The following B3GLCT variants were observed in gnomAD, a reference collection of about 807,000 sequenced individuals.
B3GLCT encodes the protein beta-1,3-glucosyltransferase.
Under a neutral mutation model 63.4 loss-of-function variants are expected in B3GLCT, and 65 were observed. The observed-to-expected ratio is 1.03, with a 90% CI of 0.84 to 1.26. B3GLCT has a LOEUF of 1.26. Among genes scored for constraint, B3GLCT ranks in the 50% most tolerant of loss-of-function variants. The pLI, the probability that B3GLCT is intolerant of heterozygous loss-of-function variation, is 0.00. For missense variants in B3GLCT, 577 were observed against 604.8 expected (o/e 0.95, Z 0.48); for synonymous variants, 233 against 219.2 (o/e 1.06, Z -0.55).
chr13:31,218,187 C>CTT lies in B3GLCT; in HGVS notation c.120+3105_120+3106dup, dbSNP rs35142866. The stretch of plus-strand genomic sequence containing the variant: ...AGGTGTTTTATTCTTTTTGTGGCTA[C>CTT]TTTTTTTTTTTTTTTTTTTGAGATG... On this transcript the variant is annotated intron_variant, in intron 2 of 14. Transcript: ENST00000343307. Among the ~76,000 whole-genome samples the CTT allele has an allele frequency of 5.4e-4, 65 of 119,844 alleles. No individual in the cohort carries two copies. The South Asian group carries it at 9.0e-3, about 17-fold the overall frequency. The allele number at this position is 119,844 out of a possible 152,430, so 78.6% of individuals were successfully genotyped here. A position where few individuals can be genotyped will look rare whatever the true frequency, so the allele number is the denominator to read the frequency against.
At chr13:31,286,958 G>C (rs1255520623) in intron 12 of B3GLCT, 139 bp downstream of exon 12, 1 of 581,762 alleles carries the variant, frequency 1.7e-6, no homozygotes, top group African/African-American at 1.9e-5. Flanking sequence ...TCCTCTTAAG[G>C]AACAAAATAT....
chr13:31,308,825 T>G (rs560088314), intron 12 of B3GLCT, among the ~76,000 whole-genome samples: 1 of 152,200 alleles, frequency 6.6e-6, no homozygotes, highest in African/African-American at 2.4e-5. Context: ...TTTCTGTTGT[T>G]CCTGCATAAT....
chr13:31,265,379 C>G (rs181796311), intron 7 of B3GLCT, among the ~76,000 whole-genome samples: 1 of 152,234 alleles, frequency 6.6e-6, no homozygotes, highest in African/African-American at 2.4e-5. Flanking sequence ...TATAGACAAC[C>G]AAGAAGGCCA....
intron 4 of B3GLCT, among the ~76,000 whole-genome samples, chr13:31,229,541 T>C (rs1870270370): frequency 6.6e-6 from 1 of 152,142 alleles, no homozygotes; most frequent in Non-Finnish European, 1.5e-5. Context: ...ACGTCAGGCA[T>C]TGGAGACCAG....
intron 10 of B3GLCT, among the ~76,000 whole-genome samples, chr13:31,280,558 T>C (rs550861545): frequency 6.6e-6 from 1 of 152,318 alleles, no homozygotes; most frequent in African/African-American, 2.4e-5. Flanking sequence ...TATATGTTGG[T>C]TACCTTCTGG....
intron 4 of B3GLCT, among the ~76,000 whole-genome samples, chr13:31,241,236 C>T (rs569314443): frequency 3.3e-5 from 5 of 152,334 alleles, no homozygotes; most frequent in South Asian, 2.1e-4. Context: ...TTAAGGCAGA[C>T]GGAGGCCAGG....
intron 11 of B3GLCT, 37 bp from the exon 12 acceptor site, chr13:31,286,683 A>AAT: frequency 1.6e-6 from 2 of 1,286,232 alleles, no homozygotes; most frequent in Non-Finnish European, 2.2e-6. Flanking sequence ...TTTTATAAGA[A>AAT]ATAATACATT....
Position 31,209,090 on chromosome 13 carries a change from C to T in B3GLCT, c.71-5961C>T, listed in dbSNP as rs565611857. Among the ~76,000 whole-genome samples, 18 of 152,302 alleles carry T rather than the reference C, an allele frequency of 1.2e-4. No homozygotes were observed. In the East Asian group the frequency reaches 1.5e-3, roughly 13 times the overall value. On this transcript the variant is annotated intron_variant, in intron 1 of 14. Coordinates refer to ENST00000343307, the MANE Select transcript of B3GLCT (RefSeq NM_194318.4). ...AACCCAAGAGGGAGAGAATAAAATCCGATGCCCCTTAAAAAACGTACGGAG... is the reference window on the plus strand; with the variant it reads ...AACCCAAGAGGGAGAGAATAAAATCTGATGCCCCTTAAAAAACGTACGGAG...
At chr13:31,233,933 C>T (rs1870506076) in intron 4 of B3GLCT, among the ~76,000 whole-genome samples, 1 of 151,982 alleles carries the variant, frequency 6.6e-6, no homozygotes, top group Non-Finnish European at 1.5e-5. Context: ...ATACAAAGAT[C>T]AACAAGACAT....
At chr13:31,246,951 C>CTTTTTTTTTTTTTTTTTTT (rs66466340) in intron 4 of B3GLCT, 72 bp from the exon 5 acceptor site, 13 of 779,670 alleles carry the variant, frequency 1.7e-5, no homozygotes, top group East Asian at 6.1e-5. Flanking sequence ...CTTTTCTTTT[C>CTTTTTTTTTTTTTTTTTTT]TTTTTTTTTT....
At chr13:31,228,677 C>T (rs1416995405) in intron 3 of B3GLCT, among the ~76,000 whole-genome samples, 1 of 152,216 alleles carries the variant, frequency 6.6e-6, no homozygotes, top group African/African-American at 2.4e-5. Context: ...GATGACCTCG[C>T]TTTAACTTGA....
intron 14 of B3GLCT, among the ~76,000 whole-genome samples, chr13:31,327,216 A>G (rs540407291): frequency 6.6e-6 from 1 of 152,348 alleles, no homozygotes; most frequent in South Asian, 2.1e-4. Flanking sequence ...CTAATAATAA[A>G]ATAGAGCAAT....
chr13:31,209,006 C>G (rs922599372), intron 1 of B3GLCT, among the ~76,000 whole-genome samples: 2 of 152,182 alleles, frequency 1.3e-5, no homozygotes, highest in African/African-American at 4.8e-5. Flanking sequence ...GTCACTCCCT[C>G]TTCTGAGGTA....
At chr13:31,266,076 G>T (rs931482181) in intron 7 of B3GLCT, among the ~76,000 whole-genome samples, 2 of 151,814 alleles carry the variant, frequency 1.3e-5, no homozygotes, top group African/African-American at 4.8e-5. Flanking sequence ...CTCGCTCACT[G>T]CAAGTTCCAC....
At chr13:31,236,101 T>C (rs1425675004) in intron 4 of B3GLCT, among the ~76,000 whole-genome samples, 2 of 152,218 alleles carry the variant, frequency 1.3e-5, no homozygotes, top group African/African-American at 4.8e-5. Context: ...TCCTTCAGTG[T>C]ATCTGTTCTG....
intron 7 of B3GLCT, 56 bp from the exon 8 acceptor site, chr13:31,269,158 A>C: frequency 8.9e-7 from 1 of 1,123,138 alleles, no homozygotes; most frequent in Non-Finnish European, 1.4e-6. Context: ...AGAATGTGTT[A>C]GTCTTGCTTG....
intron 4 of B3GLCT, among the ~76,000 whole-genome samples, chr13:31,237,071 A>G (rs553871739): frequency 6.6e-6 from 1 of 150,794 alleles, no homozygotes; most frequent in Admixed American, 6.7e-5. Flanking sequence ...GGTCGCAGTG[A>G]CCCGAGATCG....
At chr13:31,267,160 C>T (rs1312482580) in intron 7 of B3GLCT, among the ~76,000 whole-genome samples, 1 of 152,168 alleles carries the variant, frequency 6.6e-6, no homozygotes, top group Non-Finnish European at 1.5e-5. Flanking sequence ...ACTTGAAAAG[C>T]CAAAAAGATG....
rs149592316 is a variant in B3GLCT at position 31,214,423 on chromosome 13, C to T, written c.71-628C>T. On this transcript the variant is annotated intron_variant, in intron 1 of 14. Coordinates refer to ENST00000343307, the MANE Select transcript of B3GLCT (RefSeq NM_194318.4). ...CTAAATGTGGCTCTAGGGATATCTTCGTCTGTGATGGCTCTGACTCCAAAC... is the reference window on the plus strand; with the variant it reads ...CTAAATGTGGCTCTAGGGATATCTTTGTCTGTGATGGCTCTGACTCCAAAC... Among the ~76,000 whole-genome samples, 179 of 152,272 alleles carry T rather than the reference C, an allele frequency of 1.2e-3. No individual in the cohort carries two copies. In the East Asian group the frequency reaches 0.028, roughly 24 times the overall value.
Sources: gnomAD v4.1 joint callset for allele counts (sites outside exome capture counted in the v4.1 genomes callset) on GRCh38, gnomAD v4.1.1 for gene constraint, MANE v1.5 for transcripts, NCBI Gene and HGNC (gene_info 2026-07-23, HGNC 2026-07-21) for gene names.